The following WASHC4 variants were observed in gnomAD, a reference collection of about 807,000 sequenced individuals.
The protein encoded by WASHC4 is WASH complex subunit 7.
Under a neutral mutation model 166.6 loss-of-function variants are expected in WASHC4, and 86 were observed. The ratio of observed to expected loss-of-function variants is 0.52; its 90% CI spans 0.43 to 0.62. The LOEUF is 0.62. WASHC4 is among the 20% of genes least tolerant of loss of function. WASHC4 has a pLI of 0.00. For synonymous variants in WASHC4, 446 were observed against 451.6 expected (o/e 0.99, Z 0.16); for missense variants, 1,262 against 1,382.4 (o/e 0.91, Z 1.38).
At chr12:105,136,655 G>C (rs1380659123) in intron 14 of WASHC4, among the ~76,000 whole-genome samples, 1 of 152,210 alleles carries the variant, frequency 6.6e-6, no homozygotes, top group East Asian at 1.9e-4. Flanking sequence ...TTAGATCTTT[G>C]CTGTTCCTTG....
Position 105,164,719 on chromosome 12 carries a change from C to G in WASHC4, c.3433C>G (p.Gln1145Glu), listed in dbSNP as rs1218596486. The change falls in exon 32 of 33, where the codon CAA becomes GAA. Residue 1145 changes from glutamine (Q) to glutamate (E), a missense_variant. Physicochemically the swap from Gln to Glu is conservative, Grantham distance 29 (BLOSUM62 2). Coordinates refer to ENST00000332180, the MANE Select transcript of WASHC4 (RefSeq NM_015275.3). ...AGACAAGACTGCGGCTGAAGAAAACCAAGAAAAGAAAGAGAAGGAAGGTCA... is the reference window on the plus strand; with the variant it reads ...AGACAAGACTGCGGCTGAAGAAAACGAAGAAAAGAAAGAGAAGGAAGGTCA... ...RADKTAAEEN[Q>E]EKKEKEEETK... 1 of 1,612,354 alleles carries G rather than the reference C, an allele frequency of 6.2e-7. No individual in the cohort carries two copies. The highest frequency in any genetic ancestry group is 8.5e-7 in the Non-Finnish European group (1 of 1,178,990).
Position 105,121,195 on chromosome 12 carries a change from T to C in WASHC4, c.656T>C (p.Met219Thr), listed in dbSNP as rs201153364. Residue 219 changes from methionine (M) to threonine (T), a missense_variant, in exon 9 of 33, where the codon ATG becomes ACG. Met to Thr is a moderately conservative substitution (Grantham distance 81). Coordinates refer to ENST00000332180, the MANE Select transcript of WASHC4 (RefSeq NM_015275.3). ...NHITLKDHWT[M>T]YKRLLKSVHH... is the part of the protein sequence containing the mutation. ...ATCACACTGAAAGACCACTGGACTATGTACAAAAGGTACACCAATTAAAAT... is the reference window on the plus strand; with the variant it reads ...ATCACACTGAAAGACCACTGGACTACGTACAAAAGGTACACCAATTAAAAT... 99 of 1,559,816 alleles carry C rather than the reference T, an allele frequency of 6.3e-5. No individual in the cohort carries two copies. The highest frequency in any genetic ancestry group is 8.4e-5 in the Non-Finnish European group (95 of 1,131,360).
chr12:105,134,697 T>C (rs1432759732), intron 14 of WASHC4, among the ~76,000 whole-genome samples: 1 of 152,050 alleles, frequency 6.6e-6, no homozygotes, highest in African/African-American at 2.4e-5. Flanking sequence ...ATCCTTTCAC[T>C]TGTGGCCTTC....
At chr12:105,129,292 G>A (rs1881577895) in intron 13 of WASHC4, among the ~76,000 whole-genome samples, 1 of 152,098 alleles carries the variant, frequency 6.6e-6, no homozygotes, top group Non-Finnish European at 1.5e-5. Flanking sequence ...ATTATGTTGG[G>A]CAGGCTGGTC....
intron 25 of WASHC4, among the ~76,000 whole-genome samples, chr12:105,151,287 A>G (rs572052031): frequency 2.6e-5 from 4 of 152,270 alleles, no homozygotes; most frequent in East Asian, 1.9e-4. Flanking sequence ...TTGAGAACCA[A>G]CAGGCTTAGA....
At chr12:105,114,741 G>T (rs1430983101) in intron 4 of WASHC4, among the ~76,000 whole-genome samples, 1 of 151,972 alleles carries the variant, frequency 6.6e-6, no homozygotes, top group Non-Finnish European at 1.5e-5. Flanking sequence ...AACCTCCAGA[G>T]TTTGTGTTAC....
chr12:105,158,187 C>T (rs1016580683), intron 28 of WASHC4, among the ~76,000 whole-genome samples: 1 of 152,108 alleles, frequency 6.6e-6, no homozygotes, highest in African/African-American at 2.4e-5. Context: ...GAAATTGTAA[C>T]CATCACTGTA....
At chr12:105,156,033 G>A (rs111465270) in intron 26 of WASHC4, among the ~76,000 whole-genome samples, 28 of 152,290 alleles carry the variant, frequency 1.8e-4, no homozygotes, top group African/African-American at 6.3e-4. Context: ...TATCTATGAA[G>A]GGGTGAATGA....
Position 105,164,621 on chromosome 12 carries a change from A to T in WASHC4, c.3355-20A>T. 6.3e-7 allele frequency: 1 copy of T among 1,578,976 alleles called. No homozygotes were observed. The highest frequency in any genetic ancestry group is 1.7e-4 in the Middle Eastern group (1 of 6,002). ...AATAAGTATTTTTGGTTTTTATTTC[A>T]AATTTTTAAATTTACTTAGGAATTT... On this transcript the variant is annotated intron_variant, in intron 31 of 32. Transcript: ENST00000332180.
rs1003929259 is a variant in WASHC4 at position 105,141,262 on chromosome 12, A to G, written c.1787+16A>G. On this transcript the variant is annotated intron_variant, in intron 18 of 32. Coordinates refer to ENST00000332180, the MANE Select transcript of WASHC4 (RefSeq NM_015275.3). ...TTAGAGAACGGTAAGTAGGACTGGG[A>G]TATGCTGTGGTACTCCAAAGACAGG... 2 of 1,511,934 alleles carry G rather than the reference A, an allele frequency of 1.3e-6. No homozygotes were observed. The highest frequency in any genetic ancestry group is 1.8e-6 in the Non-Finnish European group (2 of 1,086,910). The allele number at this position is 1,511,934 out of a possible 1,614,324, so 93.7% of individuals were successfully genotyped here. A position where few individuals can be genotyped will look rare whatever the true frequency, so the allele number is the denominator to read the frequency against.
chr12:105,152,295 G>A (rs753569439), intron 25 of WASHC4, 48 bp from the exon 26 acceptor site: 2 of 929,218 alleles, frequency 2.2e-6, no homozygotes, highest in East Asian at 4.9e-5. Context: ...GAGGCATTTT[G>A]TGCTTTAGAA....
chr12:105,128,765 T>A (rs1267501369), intron 13 of WASHC4, among the ~76,000 whole-genome samples: 1 of 124,630 alleles, frequency 8.0e-6, no homozygotes, highest in Non-Finnish European at 1.6e-5. Flanking sequence ...TGCATTAAAT[T>A]CCGTTTTGTT....
chr12:105,107,916 G>A (rs1241362482), intron 1 of WASHC4, 55 bp downstream of exon 1: 2 of 1,332,444 alleles, frequency 1.5e-6, no homozygotes, highest in East Asian at 5.0e-5. Context: ...GCCCGCCGCT[G>A]TTCTGGGCTG....
chr12:105,143,391 A>G (rs1883029119), intron 20 of WASHC4, 148 bp downstream of exon 20: 1 of 592,258 alleles, frequency 1.7e-6, no homozygotes, highest in African/African-American at 1.9e-5. Flanking sequence ...TTACAATATC[A>G]CTGTTGTGCT....
At chr12:105,118,056 A>G (rs752511902) in intron 6 of WASHC4, among the ~76,000 whole-genome samples, 1 of 152,156 alleles carries the variant, frequency 6.6e-6, no homozygotes, top group Non-Finnish European at 1.5e-5. Context: ...GAGCTCCTTC[A>G]CTCACTCAGA....
intron 20 of WASHC4, among the ~76,000 whole-genome samples, chr12:105,143,700 A>G (rs1431700287): frequency 6.6e-6 from 1 of 152,040 alleles, no homozygotes; most frequent in Non-Finnish European, 1.5e-5. Flanking sequence ...GGAAATATGT[A>G]TTATAAACAC....
In WASHC4 at chr12:105,144,725, A is replaced by G. The variant is rs1226449625; in HGVS notation, c.2187A>G (p.Val729=). 2.5e-6 allele frequency: 4 copies of G among 1,609,546 alleles called. No homozygotes were observed. The African/African-American group carries it at 4.0e-5, about 16-fold the overall frequency. Residue 729 remains valine (V), a synonymous_variant, in exon 22 of 33, where the codon GTA becomes GTG. Transcript: ENST00000332180. The stretch of plus-strand genomic sequence containing the variant: ...ATTTTTTTTTTTTGGTAGCTTACGT[A>G]ACTCACTACCTAGACAAGACTTTCT... ...FNRFIDIRAY[V]THYLDKTFYN...
Position 105,162,777 on chromosome 12 carries a change from G to A in WASHC4, c.3089G>A (p.Ser1030Asn), listed in dbSNP as rs371946450. The change falls in exon 30 of 33, where the codon AGT becomes AAT. Residue 1030 changes from serine to asparagine, a missense_variant. Physicochemically the swap from Ser to Asn is conservative, Grantham distance 46. Coordinates refer to ENST00000332180, the MANE Select transcript of WASHC4 (RefSeq NM_015275.3). ...LTLNFVEHSI[S>N]CKEKLNKKNK... ...CTCAACTTTGTAGAGCATTCCATTAGTTGCAAGGAAAAATTAAATAAAAAA... is the reference window on the plus strand; with the variant it reads ...CTCAACTTTGTAGAGCATTCCATTAATTGCAAGGAAAAATTAAATAAAAAA... The A allele has an allele frequency of 1.3e-6, 2 of 1,599,200 alleles. No homozygotes were observed. The highest frequency in any genetic ancestry group is 1.7e-6 in the Non-Finnish European group (2 of 1,169,048).
rs566682942 is a variant in WASHC4, at chr12:105,163,030, C to T, written c.3157+185C>T. Among the ~76,000 whole-genome samples the T allele has an allele frequency of 2.3e-4, 35 of 152,264 alleles. No homozygotes were observed. In the South Asian group the frequency reaches 7.1e-3, roughly 31 times the overall value. On this transcript the variant is annotated intron_variant, in intron 30 of 32. Transcript: ENST00000332180. ...CCAGGCTGGAGTGCAGTGGCACGAT[C>T]ACTGCAAGCTCCGCCTCCTGGGTTC...
Sources: gnomAD v4.1 joint callset for allele counts (sites outside exome capture counted in the v4.1 genomes callset) on GRCh38, gnomAD v4.1.1 for gene constraint, MANE v1.5 for transcripts, NCBI Gene and HGNC (gene_info 2026-07-23, HGNC 2026-07-21) for gene names.